The following NDUFS4 variants were observed in gnomAD, a reference collection of about 807,000 sequenced individuals.
The protein encoded by NDUFS4 is NADH dehydrogenase [ubiquinone] iron-sulfur protein 4, mitochondrial.
NDUFS4 carries 28 observed loss-of-function variants against 24.3 expected under a neutral mutation model. That is an observed-to-expected ratio of 1.15 (90% CI 0.85 to 1.58). The LOEUF (loss-of-function observed/expected upper bound fraction) is 1.58. NDUFS4 is among the 40% of genes most tolerant of loss of function. The pLI, the probability that NDUFS4 is intolerant of heterozygous loss-of-function variation, is 0.00. For missense variants in NDUFS4, 223 were observed against 207.9 expected (o/e 1.07, Z -0.45); for synonymous variants, 93 against 69.7 (o/e 1.34, Z -1.67).
At chr5:53,665,000 G>A (rs1752471004) in intron 4 of NDUFS4, among the ~76,000 whole-genome samples, 1 of 152,100 alleles carries the variant, frequency 6.6e-6, no homozygotes, top group South Asian at 2.1e-4. Context: ...ATACAGATGG[G>A]GTTTTGGTGT....
intron 1 of NDUFS4, among the ~76,000 whole-genome samples, chr5:53,562,821 A>C (rs1051192691): frequency 3.3e-5 from 5 of 152,210 alleles, no homozygotes; most frequent in Non-Finnish European, 7.3e-5. Flanking sequence ...CTACATCTAA[A>C]ATTCATTTTA....
chr5:53,624,939 T>G (rs774885130), intron 2 of NDUFS4, among the ~76,000 whole-genome samples: 1 of 152,122 alleles, frequency 6.6e-6, no homozygotes, highest in Non-Finnish European at 1.5e-5. Flanking sequence ...TGGGTTTGTG[T>G]TGTTGTTTGG....
intron 3 of NDUFS4, among the ~76,000 whole-genome samples, chr5:53,652,136 G>C (rs1313821772): frequency 6.6e-6 from 1 of 152,136 alleles, no homozygotes; most frequent in East Asian, 1.9e-4. Flanking sequence ...ATGGCTTGGA[G>C]GGTTTAACAG....
intron 1 of NDUFS4, among the ~76,000 whole-genome samples, chr5:53,569,963 A>T (rs1749155715): frequency 6.6e-6 from 1 of 152,200 alleles, no homozygotes; most frequent in South Asian, 2.1e-4. Context: ...AGTTGACTCT[A>T]GGTTGGATTT....
chr5:53,579,728 G>T (rs1166811328), intron 1 of NDUFS4, among the ~76,000 whole-genome samples: 1 of 152,098 alleles, frequency 6.6e-6, no homozygotes, highest in African/African-American at 2.4e-5. Context: ...TAAAATAAAA[G>T]GGAGGGGAGG....
chr5:53,582,946 G>A (rs2112430457), intron 1 of NDUFS4, among the ~76,000 whole-genome samples: 1 of 152,260 alleles, frequency 6.6e-6, no homozygotes, highest in African/African-American at 2.4e-5. Flanking sequence ...CTGTCACCCA[G>A]GTTGAAGTAC....
chr5:53,676,667 G>A (rs116093711), intron 4 of NDUFS4, among the ~76,000 whole-genome samples: 1,557 of 152,268 alleles, frequency 0.01, 26 homozygotes, highest in African/African-American at 0.035. Flanking sequence ...AAGTATGCTT[G>A]TTTACAGTAT....
At chr5:53,570,684 C>CT (rs70983360) in intron 1 of NDUFS4, among the ~76,000 whole-genome samples, 23,551 of 119,912 alleles carry the variant, frequency 0.2, 2,954 homozygotes, top group East Asian at 0.46. Context: ...ATTTTTTTTT[C>CT]TTTTTTTTTT....
chr5:53,628,490 G>A (rs1259907179), intron 2 of NDUFS4, among the ~76,000 whole-genome samples: 5 of 152,104 alleles, frequency 3.3e-5, no homozygotes, highest in African/African-American at 7.2e-5. Flanking sequence ...GGTAGAATTC[G>A]GCTATGAATC....
chr5:53,610,592 A>G (rs989380132), intron 2 of NDUFS4, among the ~76,000 whole-genome samples: 2 of 152,210 alleles, frequency 1.3e-5, no homozygotes, highest in Admixed American at 1.3e-4. Context: ...ACAGTAAAGC[A>G]AAGTTCATAA....
intron 2 of NDUFS4, among the ~76,000 whole-genome samples, chr5:53,626,672 A>T (rs1751236428): frequency 6.6e-6 from 1 of 152,164 alleles, no homozygotes; most frequent in Admixed American, 6.5e-5. Context: ...GGCTGCATAA[A>T]TGTCTTCTTT....
intron 1 of NDUFS4, among the ~76,000 whole-genome samples, chr5:53,579,968 A>G (rs1183566776): frequency 6.6e-6 from 1 of 152,196 alleles, no homozygotes; most frequent in Admixed American, 6.5e-5. Flanking sequence ...AGAAGAGTCC[A>G]TTCCTGCTGA....
chr5:53,594,872 T>TTG (rs60887057), intron 1 of NDUFS4, among the ~76,000 whole-genome samples: 36,540 of 148,384 alleles, frequency 0.25, 4,923 homozygotes, highest in East Asian at 0.55. Context: ...ATGTCTGTGT[T>TTG]TGTGTGTGTG....
intron 1 of NDUFS4, among the ~76,000 whole-genome samples, chr5:53,587,824 C>A (rs150347264): frequency 6.6e-6 from 1 of 152,108 alleles, no homozygotes; most frequent in South Asian, 2.1e-4. Flanking sequence ...AGGGATCCAC[C>A]GGCCTCAGTC....
At chr5:53,567,180 A>C (rs572603980) in intron 1 of NDUFS4, among the ~76,000 whole-genome samples, 5 of 152,244 alleles carry the variant, frequency 3.3e-5, no homozygotes, top group African/African-American at 9.6e-5. Context: ...AGGTTGGTTG[A>C]ATTATGATGT....
intron 4 of NDUFS4, among the ~76,000 whole-genome samples, chr5:53,674,851 G>A (rs1340579221): frequency 1.3e-5 from 2 of 151,920 alleles, no homozygotes; most frequent in African/African-American, 4.8e-5. Context: ...AAATACGCAA[G>A]TGGAATAAAA....
At chr5:53,646,055 G>T in intron 2 of NDUFS4, 178 bp from the exon 3 acceptor site, 1 of 559,816 alleles carries the variant, frequency 1.8e-6, no homozygotes, top group South Asian at 2.0e-5. Context: ...CCATTTACAG[G>T]TATCTAAATA....
At chr5:53,564,542 A>C (rs1223180497) in intron 1 of NDUFS4, among the ~76,000 whole-genome samples, 1 of 152,128 alleles carries the variant, frequency 6.6e-6, no homozygotes, top group African/African-American at 2.4e-5. Context: ...TGTTAGGAAA[A>C]TAATTATTAT....
chr5:53,683,137 A>T lies in NDUFS4; in HGVS notation c.444A>T (p.Glu148Asp). ...AEKNGWSYDIEERKVPKPKSK... is the reference protein window; with the variant it reads ...AEKNGWSYDIDERKVPKPKSK... ...TCCTAGGATGGAGCTATGACATTGA[A>T]GAGAGGAAGGTTCCAAAACCCAAGT... The change falls in exon 5 of 5, where the codon GAA (glutamate) becomes GAT (aspartate). Residue 148 changes from glutamate (E) to aspartate (D), a missense_variant. Coordinates refer to ENST00000296684, the MANE Select transcript of NDUFS4 (RefSeq NM_002495.4). 6.2e-7 allele frequency: 1 copy of T among 1,607,422 alleles called. No individual in the cohort carries two copies. Among genetic ancestry groups the T allele is most frequent in the Non-Finnish European group, 8.5e-7 (1 of 1,174,254 alleles).
Sources: gnomAD v4.1 joint callset for allele counts (sites outside exome capture counted in the v4.1 genomes callset) on GRCh38, gnomAD v4.1.1 for gene constraint, MANE v1.5 for transcripts, NCBI Gene and HGNC (gene_info 2026-07-23, HGNC 2026-07-21) for gene names.